The following MSH3 variants were observed in gnomAD, a reference collection of about 807,000 sequenced individuals.
MSH3 encodes mutS homolog 3, also known as DNA mismatch repair protein Msh3.
In MSH3, 106 loss-of-function variants were observed where a neutral mutation model predicts 123.3. That is an observed-to-expected ratio of 0.86 (90% CI 0.73 to 1.01). The LOEUF is 1.01. MSH3 is among the 50% of genes least tolerant of loss of function. MSH3 has a pLI of 0.00. For synonymous variants in MSH3, 515 were observed against 481.4 expected (o/e 1.07, Z -0.91); for missense variants, 1,459 against 1,347.6 (o/e 1.08, Z -1.29).
chr5:80,832,486 G>T lies in MSH3; in HGVS notation c.2813+18745G>T, dbSNP rs116847118. Among the ~76,000 whole-genome samples the T allele has an allele frequency of 2.0e-5, 3 of 152,132 alleles. No individual in the cohort carries two copies. In the East Asian group the frequency reaches 5.8e-4, roughly 30 times the overall value. ...AATACAAAACTTATACAGGGTGGTG[G>T]TGCAAGCCTGCAATCCTAGCTACTC... is the stretch of plus-strand genomic sequence containing the variant. On this transcript the variant is annotated intron_variant, in intron 20 of 23. Coordinates refer to ENST00000265081, the MANE Select transcript of MSH3 (RefSeq NM_002439.5).
At chr5:80,772,672 GTTTTC>G (rs1445540531) in intron 15 of MSH3, among the ~76,000 whole-genome samples, 4 of 152,202 alleles carry the variant, frequency 2.6e-5, no homozygotes, top group Middle Eastern at 3.4e-3. Context: ...TTCTATGTTA[GTTTTC>G]TTTTCTTTAG....
chr5:80,701,157 CTT>C (rs1346210318), intron 8 of MSH3, among the ~76,000 whole-genome samples: 1 of 151,878 alleles, frequency 6.6e-6, no homozygotes, highest in Non-Finnish European at 1.5e-5. Flanking sequence ...TTAAAGTAGT[CTT>C]TATTATTTCA....
At chr5:80,862,429 A>AAT (rs776381376) in intron 21 of MSH3, among the ~76,000 whole-genome samples, 3 of 152,178 alleles carry the variant, frequency 2.0e-5, no homozygotes, top group Non-Finnish European at 4.4e-5. Flanking sequence ...AGGTTTCCAG[A>AAT]ATATATAAAA....
chr5:80,855,873 C>CTTTTTTTTTTTTTTTTTTTTTTTT (rs5869058), intron 21 of MSH3: 2 of 107,134 alleles, frequency 1.9e-5, no homozygotes, highest in Non-Finnish European at 3.5e-5. Context: ...TCCTCCTCCT[C>CTTTTTTTTTTTTTTTTTTTTTTTT]TTTTTTTTTT....
chr5:80,873,096 C>T lies in MSH3; in HGVS notation c.3131-20C>T. 2 of 1,608,274 alleles carry T rather than the reference C, an allele frequency of 1.2e-6. No individual in the cohort carries two copies. The highest frequency in any genetic ancestry group is 1.7e-6 in the Non-Finnish European group (2 of 1,174,956). The stretch of plus-strand genomic sequence containing the variant: ...TTCAGCTTTCAGGCACAGTTTTGAT[C>T]TCCTTTCTTTATTTCACAGGCGCAG... On this transcript the variant is annotated intron_variant, in intron 22 of 23. Coordinates refer to ENST00000265081, the MANE Select transcript of MSH3 (RefSeq NM_002439.5).
intron 19 of MSH3, among the ~76,000 whole-genome samples, chr5:80,799,997 C>T (rs1744765327): frequency 6.6e-6 from 1 of 152,168 alleles, no homozygotes; most frequent in African/African-American, 2.4e-5. Context: ...TCTCTTCCCC[C>T]ACAGAAGTTG....
intron 6 of MSH3, 131 bp downstream of exon 6, chr5:80,672,989 G>A: frequency 1.3e-6 from 1 of 756,382 alleles, no homozygotes; most frequent in Non-Finnish European, 2.4e-6. Context: ...GCATTAAGGT[G>A]AACCCTTGAT....
intron 2 of MSH3, among the ~76,000 whole-genome samples, chr5:80,659,544 T>C (rs1749380949): frequency 6.6e-6 from 1 of 152,062 alleles, no homozygotes; most frequent in Admixed American, 6.5e-5. Context: ...CTGTAATGTT[T>C]TCAAGGCTCA....
At chr5:80,678,242 G>A (rs1051480321) in intron 7 of MSH3, among the ~76,000 whole-genome samples, 26 of 152,142 alleles carry the variant, frequency 1.7e-4, no homozygotes, top group Non-Finnish European at 3.5e-4. Flanking sequence ...CTACTCCATT[G>A]TCACTCTGGG....
intron 20 of MSH3, among the ~76,000 whole-genome samples, chr5:80,818,080 G>T (rs1042413289): frequency 5.3e-5 from 8 of 152,112 alleles, no homozygotes; most frequent in African/African-American, 1.9e-4. Context: ...ATAGCCAGGT[G>T]TGGTGGCAAG....
intron 20 of MSH3, among the ~76,000 whole-genome samples, chr5:80,829,714 C>A (rs753774157): frequency 2.0e-5 from 3 of 151,992 alleles, no homozygotes; most frequent in African/African-American, 7.3e-5. Flanking sequence ...TGCCTTTGTC[C>A]GGTTTTGGTA....
chr5:80,694,058 C>T (rs1457298333), intron 8 of MSH3, among the ~76,000 whole-genome samples: 1 of 152,124 alleles, frequency 6.6e-6, no homozygotes, highest in Non-Finnish European at 1.5e-5. Context: ...ATGGAGAAAA[C>T]AAATTCATGC....
At chr5:80,794,198 A>C (rs1351227787) in intron 19 of MSH3, among the ~76,000 whole-genome samples, 4 of 152,208 alleles carry the variant, frequency 2.6e-5, no homozygotes. Context: ...TTTCTAAGGT[A>C]ACTGTTCTAA....
At chr5:80,826,412 T>C (rs948652826) in intron 20 of MSH3, among the ~76,000 whole-genome samples, 3 of 152,246 alleles carry the variant, frequency 2.0e-5, no homozygotes, top group Non-Finnish European at 2.9e-5. Context: ...GATTCTATTA[T>C]CAATTGGCCA....
rs1580550371 is a variant in MSH3 at position 80,670,272 on chromosome 5, G to A, written c.755G>A (p.Cys252Tyr). The stretch of plus-strand genomic sequence containing the variant: ...AAAGATGCAGTTTTGTGTGTGGAAT[G>A]TGGATATAAGTATAGATTCTTTGGG... Reference protein sequence around the residue: ...QHKDAVLCVECGYKYRFFGED... With the variant: ...QHKDAVLCVEYGYKYRFFGED... The change falls in exon 4 of 24, where the codon TGT (cysteine) becomes TAT (tyrosine). Residue 252 changes from cysteine to tyrosine, a missense_variant. Physicochemically the swap from Cys to Tyr is radical, Grantham distance 194 (BLOSUM62 -2). Transcript: ENST00000265081. 6.2e-7 allele frequency: 1 copy of A among 1,614,156 alleles called. No homozygotes were observed. The highest frequency in any genetic ancestry group is 8.5e-7 in the Non-Finnish European group (1 of 1,180,012).
chr5:80,754,910 G>A (rs549017565), intron 12 of MSH3, among the ~76,000 whole-genome samples: 1 of 152,140 alleles, frequency 6.6e-6, no homozygotes, highest in African/African-American at 2.4e-5. Flanking sequence ...CATTTAATTT[G>A]TGTTAATGAA....
At chr5:80,769,722 G>A (rs1744185198) in intron 15 of MSH3, among the ~76,000 whole-genome samples, 1 of 151,990 alleles carries the variant, frequency 6.6e-6, no homozygotes, top group African/African-American at 2.4e-5. Flanking sequence ...ACCAAATTAG[G>A]AAACTTATGG....
At chr5:80,675,803 A>T (rs1253042302) in intron 7 of MSH3, among the ~76,000 whole-genome samples, 1 of 152,232 alleles carries the variant, frequency 6.6e-6, no homozygotes, top group Admixed American at 6.5e-5. Flanking sequence ...ATGTACAGAT[A>T]GCAGAATAAA....
At chr5:80,723,518 T>C (rs761936618) in intron 8 of MSH3, among the ~76,000 whole-genome samples, 1 of 152,188 alleles carries the variant, frequency 6.6e-6, no homozygotes, top group African/African-American at 2.4e-5. Context: ...AAAGCAGATC[T>C]TAAATTTATT....
Sources: allele counts gnomAD v4.1 joint callset (sites outside exome capture counted in the v4.1 genomes callset), GRCh38; gene constraint gnomAD v4.1.1; transcripts MANE v1.5; gene names NCBI Gene and HGNC (gene_info 2026-07-23, HGNC 2026-07-21).